TLE4: variants seen among roughly 807,000 people sequenced by gnomAD.
The protein encoded by TLE4 is TLE family member 4, transcriptional corepressor.
Under a neutral mutation model 92.8 loss-of-function variants are expected in TLE4, and 8 were observed. The ratio of observed to expected loss-of-function variants is 0.09; its 90% CI spans 0.05 to 0.16. The LOEUF is 0.16. Among genes scored for constraint, TLE4 ranks in the 10% least tolerant of loss-of-function variants. TLE4 has a pLI of 1.00. For synonymous variants in TLE4, 371 were observed against 374.1 expected, an observed-to-expected ratio of 0.99 and a Z score of 0.10; for missense variants, 675 against 997.6, an observed-to-expected ratio of 0.68 and a Z score of 4.36.
rs1186744521 is a variant in TLE4 at position 79,654,223 on chromosome 9, GTGGTTGATTT to G, written c.609+150_609+159del. On this transcript the variant is annotated intron_variant, in intron 8 of 19. Transcript: ENST00000376552. ...CATTTTTAAAATTACTTTCAGGTGT[GTGGTTGATTT>G]TTTTTTTTTTTTTTTAAAGGTCCCA... 1.0e-5 allele frequency: 7 copies of G among 691,186 alleles called. No individual in the cohort carries two copies. The East Asian group carries it at 2.2e-4, about 22-fold the overall frequency. The allele number at this position is 691,186 out of a possible 1,614,324, so 42.8% of individuals were successfully genotyped here. A position where few individuals can be genotyped will look rare whatever the true frequency, so the allele number is the denominator to read the frequency against.
intron 18 of TLE4, 152 bp downstream of exon 18, chr9:79,722,753 C>A: frequency 9.2e-7 from 1 of 1,089,554 alleles, no homozygotes; most frequent in East Asian, 2.5e-5. Context: ...TCCCCAACAC[C>A]ATGTAATTTT....
chr9:79,692,670 A>G (rs1413686116), intron 8 of TLE4, among the ~76,000 whole-genome samples: 2 of 152,150 alleles, frequency 1.3e-5, no homozygotes, highest in Non-Finnish European at 2.9e-5. Flanking sequence ...AGGTGCCTCT[A>G]TTAGATGCTT....
At chr9:79,580,986 G>A (rs2039503566) in intron 4 of TLE4, among the ~76,000 whole-genome samples, 2 of 152,066 alleles carry the variant, frequency 1.3e-5, no homozygotes, top group African/African-American at 4.8e-5. Flanking sequence ...TGTGTGTGGG[G>A]GTGGGAAGGG....
intron 10 of TLE4, 27 bp from the exon 11 acceptor site, chr9:79,706,720 A>G: frequency 1.9e-6 from 3 of 1,604,952 alleles, no homozygotes; most frequent in South Asian, 2.2e-5. Context: ...CTGTGCTTGC[A>G]TTACTGTCCA....
intron 8 of TLE4, among the ~76,000 whole-genome samples, chr9:79,690,800 T>C (rs1318583828): frequency 1.4e-5 from 2 of 138,836 alleles, no homozygotes; most frequent in East Asian, 2.1e-4. Context: ...TTTTTTTTTT[T>C]TTTTTTTGTA....
rs138643754 is a variant in TLE4, at chr9:79,691,545, G to A, written c.610-13238G>A. Among the ~76,000 whole-genome samples, 1,149 of 152,180 alleles carry A rather than the reference G, an allele frequency of 7.6e-3. 5 individuals are homozygous for A. The highest frequency in any genetic ancestry group is 0.011 in the Non-Finnish European group (771 of 68,006). On this transcript the variant is annotated intron_variant, in intron 8 of 19. Coordinates refer to ENST00000376552, the MANE Select transcript of TLE4 (RefSeq NM_007005.6). ...AAACACACACCTCACCGTGTGCTGG[G>A]CCTGCACACTGTGGACCCCCTTTCT...
intron 18 of TLE4, 127 bp from the exon 19 acceptor site, chr9:79,722,832 T>C (rs1348084915): frequency 2.9e-6 from 3 of 1,034,444 alleles, no homozygotes; most frequent in East Asian, 2.6e-5. Context: ...GGCTTTATTT[T>C]TGAAGTGAAA....
intron 5 of TLE4, 149 bp downstream of exon 5, chr9:79,612,867 A>C (rs1210069463): frequency 1.5e-6 from 1 of 659,840 alleles, no homozygotes; most frequent in African/African-American, 1.8e-5. Context: ...TCTCACTCCA[A>C]CTTGTATACC....
rs1368828796 is a variant in TLE4 at position 79,674,823 on chromosome 9, T to C, written c.609+20748T>C. Among the ~76,000 whole-genome samples the C allele has an allele frequency of 2.0e-5, 3 of 152,164 alleles. No individual in the cohort carries two copies. In the East Asian group the frequency reaches 5.8e-4, roughly 29 times the overall value. ...GTGTTTTTGTGTTAAATTTCTCATA[T>C]CCAACAGATGTATCCTCCTCTTCTA... On this transcript the variant is annotated intron_variant, in intron 8 of 19. Coordinates refer to ENST00000376552, the MANE Select transcript of TLE4 (RefSeq NM_007005.6).
At chr9:79,668,079 G>T (rs1213820313) in intron 8 of TLE4, among the ~76,000 whole-genome samples, 1 of 152,224 alleles carries the variant, frequency 6.6e-6, no homozygotes, top group East Asian at 1.9e-4. Flanking sequence ...AGCAACAAAG[G>T]AGAACAGCGT....
At chr9:79,677,314 G>A (rs957496366) in intron 8 of TLE4, among the ~76,000 whole-genome samples, 3 of 152,000 alleles carry the variant, frequency 2.0e-5, no homozygotes, top group Admixed American at 6.6e-5. Flanking sequence ...AATTTAGTTC[G>A]TGGCCTCTGT....
At chr9:79,662,675 A>C (rs1183382479) in intron 8 of TLE4, among the ~76,000 whole-genome samples, 6 of 152,182 alleles carry the variant, frequency 3.9e-5, no homozygotes, top group Non-Finnish European at 8.8e-5. Context: ...ATGTAAACAA[A>C]TAACTTCTGG....
At chr9:79,587,520 C>G (rs1322090278) in intron 4 of TLE4, among the ~76,000 whole-genome samples, 1 of 152,170 alleles carries the variant, frequency 6.6e-6, no homozygotes, top group Non-Finnish European at 1.5e-5. Flanking sequence ...TTGCTCGGTA[C>G]TATAGGCATG....
At chr9:79,649,300 A>G (rs2058577321) in intron 6 of TLE4, among the ~76,000 whole-genome samples, 1 of 150,224 alleles carries the variant, frequency 6.7e-6, no homozygotes, top group Non-Finnish European at 1.5e-5. Context: ...ACACACACAC[A>G]CAACAAGGCA....
At chr9:79,697,968 A>C (rs1028565955) in intron 8 of TLE4, among the ~76,000 whole-genome samples, 1 of 152,226 alleles carries the variant, frequency 6.6e-6, no homozygotes, top group African/African-American at 2.4e-5. Context: ...AGTGGGTTAA[A>C]TACTTGTTGA....
intron 4 of TLE4, among the ~76,000 whole-genome samples, chr9:79,590,065 T>G (rs1488689032): frequency 6.6e-6 from 1 of 152,218 alleles, no homozygotes; most frequent in African/African-American, 2.4e-5. Flanking sequence ...TTCACTATGC[T>G]GCGCTATGAA....
chr9:79,649,712 G>A (rs1217965180), intron 6 of TLE4: 1 of 856,558 alleles, frequency 1.2e-6, no homozygotes, highest in Non-Finnish European at 1.6e-6. Flanking sequence ...AACCAAACAA[G>A]GACCTCAGGA....
intron 16 of TLE4, among the ~76,000 whole-genome samples, chr9:79,721,406 T>C (rs1379300782): frequency 6.6e-6 from 1 of 152,180 alleles, no homozygotes; most frequent in African/African-American, 2.4e-5. Context: ...ATAGAATAGG[T>C]CTCAGAATAT....
At chr9:79,721,618 A>G (rs2075658461) in intron 16 of TLE4, 123 bp from the exon 17 acceptor site, 1 of 1,445,422 alleles carries the variant, frequency 6.9e-7, no homozygotes. Flanking sequence ...TAGAAACCAT[A>G]ATAAACCAAA....
Sources: allele counts gnomAD v4.1 joint callset (sites outside exome capture counted in the v4.1 genomes callset), GRCh38; gene constraint gnomAD v4.1.1; transcripts MANE v1.5; gene names NCBI Gene and HGNC (gene_info 2026-07-23, HGNC 2026-07-21).